The following GLT1D1 variants were observed in gnomAD, a reference collection of about 807,000 sequenced individuals.
The protein encoded by GLT1D1 is glycosyltransferase 1 domain containing 1, also known as glycosyltransferase 1 domain-containing protein 1.
Under a neutral mutation model 28.7 loss-of-function variants are expected in GLT1D1, and 21 were observed. The observed-to-expected ratio is 0.73, with a 90% CI of 0.52 to 1.05. The LOEUF (loss-of-function observed/expected upper bound fraction) is 1.05, where lower values mean the gene tolerates loss of function less well. Among genes scored for constraint, GLT1D1 ranks in the 50% least tolerant of loss-of-function variants. GLT1D1 has a pLI of 0.00. For missense variants in GLT1D1, 343 were observed against 330.6 expected (o/e 1.04, Z -0.29); for synonymous variants, 147 against 124.8 (o/e 1.18, Z -1.19).
At chr12:128,908,348 CTTTCTTTCTTTCT>C (rs1274488590) in intron 4 of GLT1D1, among the ~76,000 whole-genome samples, 6 of 32,740 alleles carry the variant, frequency 1.8e-4, no homozygotes, top group East Asian at 1.3e-3. Context: ...CTTTCTTTCC[CTTTCTTTCTTTCT>C]TTTCTTTCTT....
intron 4 of GLT1D1, 120 bp downstream of exon 5, chr12:128,912,580 C>A: frequency 2.6e-6 from 1 of 385,274 alleles, no homozygotes; most frequent in Non-Finnish European, 4.4e-6. Context: ...AGTTTGCATC[C>A]TTAAGAGACA....
At chr12:128,931,648 C>G (rs935531691) in intron 4 of GLT1D1, among the ~76,000 whole-genome samples, 1 of 152,138 alleles carries the variant, frequency 6.6e-6, no homozygotes, top group Non-Finnish European at 1.5e-5. Flanking sequence ...CACCTCCCCT[C>G]TAACTTTCGT....
At chr12:128,976,895 C>T (rs1377363579) in intron 7 of GLT1D1, among the ~76,000 whole-genome samples, 1 of 152,124 alleles carries the variant, frequency 6.6e-6, no homozygotes, top group Non-Finnish European at 1.5e-5. Flanking sequence ...CCTGTAATCC[C>T]AGCACTTTGG....
intron 5 of GLT1D1, among the ~76,000 whole-genome samples, chr12:128,945,943 C>A (rs1352291090): frequency 1.3e-5 from 2 of 152,164 alleles, no homozygotes; most frequent in Non-Finnish European, 2.9e-5. Context: ...TGGGAATGAG[C>A]AGACCAGAAG....
chr12:128,886,283 T>C (rs1279936999), intron 2 of GLT1D1, among the ~76,000 whole-genome samples: 1 of 152,198 alleles, frequency 6.6e-6, no homozygotes, highest in Non-Finnish European at 1.5e-5. Context: ...ACAGTCCCTT[T>C]GTGGCAATAG....
intron 3 of GLT1D1, among the ~76,000 whole-genome samples, chr12:128,890,433 TA>T (rs956334194): frequency 2.6e-5 from 4 of 152,172 alleles, no homozygotes; most frequent in African/African-American, 7.2e-5. Context: ...AAGCCTTGAT[TA>T]AAAAAATCAC....
In GLT1D1 at chr12:128,868,839, T is replaced by A. The variant is rs552364568; in HGVS notation, c.69-7075T>A. Reference sequence around the variant, plus strand: ...ATATTATATTCTCTTTCACTCAACATGTCTAAACATGATTTTGATCTATTT... The same window carrying A: ...ATATTATATTCTCTTTCACTCAACAAGTCTAAACATGATTTTGATCTATTT... On this transcript the variant is annotated intron_variant, in intron 1 of 7. Coordinates refer to ENST00000281703, the MANE Select transcript of GLT1D1 (RefSeq NM_144669.3). Among the ~76,000 whole-genome samples the A allele has an allele frequency of 7.2e-5, 11 of 152,316 alleles. No homozygotes were observed. The East Asian group carries it at 2.1e-3, about 29-fold the overall frequency.
chr12:128,887,267 T>C (rs540099), intron 2 of GLT1D1, among the ~76,000 whole-genome samples: 2,150 of 152,262 alleles, frequency 0.014, 61 homozygotes, highest in African/African-American at 0.05. Flanking sequence ...TCTGCCCTCC[T>C]TGGCCTTCCA....
intron 2 of GLT1D1, among the ~76,000 whole-genome samples, chr12:128,880,951 G>A (rs879789725): frequency 6.6e-6 from 1 of 152,108 alleles, no homozygotes; most frequent in South Asian, 2.1e-4. Context: ...TCGGCCGGGC[G>A]CGGTGGCTCA....
At chr12:128,938,184 T>C (rs1269484224) in intron 4 of GLT1D1, among the ~76,000 whole-genome samples, 1 of 152,212 alleles carries the variant, frequency 6.6e-6, no homozygotes, top group South Asian at 2.1e-4. Flanking sequence ...TGAGCTTCAG[T>C]GTCTTCATTT....
intron 7 of GLT1D1, among the ~76,000 whole-genome samples, chr12:128,968,881 G>T (rs899515313): frequency 1.3e-5 from 2 of 152,026 alleles, no homozygotes; most frequent in African/African-American, 4.8e-5. Flanking sequence ...CTCGGGCAGC[G>T]CCAGGAGCAC....
At chr12:128,935,879 C>T (rs1463222340) in intron 4 of GLT1D1, among the ~76,000 whole-genome samples, 1 of 152,188 alleles carries the variant, frequency 6.6e-6, no homozygotes, top group African/African-American at 2.4e-5. Context: ...TCATTCAATG[C>T]TAACCGCTGG....
intron 7 of GLT1D1, among the ~76,000 whole-genome samples, chr12:128,982,198 C>G (rs10744395): frequency 0.41 from 62,550 of 151,802 alleles, 13,173 homozygotes; most frequent in East Asian, 0.53. Flanking sequence ...AGCTGATAAA[C>G]CCCCCTCCCT....
chr12:128,953,392 G>T (rs1426711484), intron 6 of GLT1D1, among the ~76,000 whole-genome samples: 1 of 151,958 alleles, frequency 6.6e-6, no homozygotes, highest in Non-Finnish European at 1.5e-5. Context: ...GCCCAAGCTG[G>T]CCTCAAACTC....
intron 2 of GLT1D1, among the ~76,000 whole-genome samples, chr12:128,884,175 A>G (rs1957127043): frequency 6.6e-6 from 1 of 152,152 alleles, no homozygotes; most frequent in Non-Finnish European, 1.5e-5. Flanking sequence ...GTGCCCATTG[A>G]TGTTAAATGG....
At chr12:128,911,937 C>T (rs1871577433) in intron 4 of GLT1D1, among the ~76,000 whole-genome samples, 2 of 152,102 alleles carry the variant, frequency 1.3e-5, no homozygotes, top group South Asian at 4.1e-4. Flanking sequence ...GGTTTCCCAA[C>T]ATATTGGCAG....
chr12:128,946,641 T>C (rs55748922), intron 5 of GLT1D1, among the ~76,000 whole-genome samples: 2,311 of 48,166 alleles, frequency 0.048, 34 homozygotes, highest in South Asian at 0.085. Flanking sequence ...CCTCCTTTTT[T>C]TTTTTTTTTT....
At chr12:128,941,676 G>C (rs963293647) in intron 4 of GLT1D1, among the ~76,000 whole-genome samples, 1 of 148,012 alleles carries the variant, frequency 6.8e-6, no homozygotes, top group South Asian at 2.2e-4. Context: ...GGGTTCAAGC[G>C]ATTCTTCCGC....
intron 1 of GLT1D1, among the ~76,000 whole-genome samples, chr12:128,868,334 G>T (rs1185268923): frequency 6.6e-6 from 1 of 152,184 alleles, no homozygotes; most frequent in Non-Finnish European, 1.5e-5. Flanking sequence ...GTTTTGATTG[G>T]CATGAGCCTG....
Sources: allele counts gnomAD v4.1 joint callset (sites outside exome capture counted in the v4.1 genomes callset), GRCh38; gene constraint gnomAD v4.1.1; transcripts MANE v1.5; gene names NCBI Gene and HGNC (gene_info 2026-07-23, HGNC 2026-07-21).